FHOD3: variants seen among roughly 807,000 people sequenced by gnomAD.
FHOD3 encodes the protein FH1/FH2 domain-containing protein 3.
In FHOD3, 90 loss-of-function variants were observed where a neutral mutation model predicts 173.0. The ratio of observed to expected loss-of-function variants is 0.52; its 90% CI spans 0.44 to 0.62. The LOEUF is 0.62. Among genes scored for constraint, FHOD3 ranks in the 20% least tolerant of loss-of-function variants. The pLI is 0.00. For synonymous variants in FHOD3, 828 were observed against 823.0 expected (o/e 1.01, Z -0.10); for missense variants, 1,945 against 2,034.7 (o/e 0.96, Z 0.85).
intron 2 of FHOD3, among the ~76,000 whole-genome samples, chr18:36,361,832 A>G (rs2046639517): frequency 1.3e-5 from 2 of 152,152 alleles, no homozygotes; most frequent in Admixed American, 1.3e-4. Flanking sequence ...GCCCAGCCTC[A>G]GGCTCATGAA....
At chr18:36,323,064 T>G (rs1239473005) in intron 1 of FHOD3, among the ~76,000 whole-genome samples, 3 of 152,152 alleles carry the variant, frequency 2.0e-5, no homozygotes, top group African/African-American at 7.2e-5. Context: ...TTTCTGCATC[T>G]GTAAGGTGGG....
chr18:36,578,271 G>A (rs1447025402), intron 6 of FHOD3, among the ~76,000 whole-genome samples: 2 of 152,192 alleles, frequency 1.3e-5, no homozygotes, highest in Admixed American at 6.5e-5. Context: ...AGGCGGAGGA[G>A]GAGCAAAGGC....
Position 36,602,778 on chromosome 18 carries a change from C to G in FHOD3, c.813+10C>G. On this transcript the variant is annotated intron_variant, in intron 8 of 28. Transcript: ENST00000590592. ...GACTTTGGTGAACAAGGTTGGTTGA[C>G]TATGTTATGGGTTGAATTGCGTCAC... The G allele has an allele frequency of 1.2e-6, 2 of 1,605,370 alleles. No homozygotes were observed.
intron 11 of FHOD3, 107 bp from the exon 12 acceptor site, chr18:36,652,462 AT>A: frequency 7.7e-7 from 1 of 1,296,046 alleles, no homozygotes; most frequent in Non-Finnish European, 1.0e-6. Context: ...GAAGTGAGTG[AT>A]AATAGTACAG....
At chr18:36,408,795 G>T (rs903204294) in intron 3 of FHOD3, among the ~76,000 whole-genome samples, 1 of 152,170 alleles carries the variant, frequency 6.6e-6, no homozygotes, top group South Asian at 2.1e-4. Context: ...CAGGAGCCAA[G>T]CCTGGAGCAT....
At chr18:36,755,084 CG>C in intron 24 of FHOD3, 34 bp from the exon 25 acceptor site, 1 of 1,408,306 alleles carries the variant, frequency 7.1e-7, no homozygotes, top group Non-Finnish European at 9.5e-7. Flanking sequence ...TTTCTTAAAA[CG>C]GAAGTCATTG....
chr18:36,462,453 T>C (rs555759048), intron 3 of FHOD3, among the ~76,000 whole-genome samples: 2 of 152,210 alleles, frequency 1.3e-5, no homozygotes, highest in East Asian at 3.9e-4. Context: ...TGCTTCAGCC[T>C]CCTGAGTAGC....
intron 17 of FHOD3, among the ~76,000 whole-genome samples, chr18:36,704,726 C>A (rs2039774321): frequency 6.6e-6 from 1 of 152,132 alleles, no homozygotes; most frequent in Non-Finnish European, 1.5e-5. Flanking sequence ...CAGAGCCCTC[C>A]CCATAGAGAG....
chr18:36,322,525 AAG>A (rs2144987790), intron 1 of FHOD3, among the ~76,000 whole-genome samples: 1 of 152,194 alleles, frequency 6.6e-6, no homozygotes, highest in Admixed American at 6.5e-5. Context: ...ACCCAAAAGA[AAG>A]AGCAGGTTTG....
chr18:36,670,321 T>C (rs1281381083), intron 14 of FHOD3, among the ~76,000 whole-genome samples: 5 of 152,162 alleles, frequency 3.3e-5, no homozygotes, highest in African/African-American at 4.8e-5. Context: ...TAAAAATGTT[T>C]GGTACTTTTT....
At chr18:36,386,198 G>A (rs1293240199) in intron 3 of FHOD3, among the ~76,000 whole-genome samples, 1 of 152,194 alleles carries the variant, frequency 6.6e-6, no homozygotes, top group Non-Finnish European at 1.5e-5. Flanking sequence ...AGATGACCCA[G>A]TATCTGGACA....
intron 28 of FHOD3, among the ~76,000 whole-genome samples, chr18:36,774,646 A>G (rs948766092): frequency 6.6e-6 from 1 of 152,202 alleles, no homozygotes; most frequent in Non-Finnish European, 1.5e-5. Flanking sequence ...TCTGGGTTTT[A>G]TCGCTTCAAC....
intron 3 of FHOD3, among the ~76,000 whole-genome samples, chr18:36,397,199 C>T (rs951417013): frequency 6.6e-6 from 1 of 152,166 alleles, no homozygotes; most frequent in Non-Finnish European, 1.5e-5. Context: ...CTGCTGTTCT[C>T]AAATGAGCCT....
At chr18:36,579,328 C>T (rs11874326) in intron 6 of FHOD3, among the ~76,000 whole-genome samples, 1,996 of 152,246 alleles carry the variant, frequency 0.013, 52 homozygotes, top group African/African-American at 0.045. Context: ...ACAACTTGCC[C>T]TATTTCTAAA....
At position 36,652,732 on chromosome 18, in the gene FHOD3, C is replaced by T; in HGVS notation, c.1449C>T (p.Ala483=). Residue 483 remains alanine (A), a synonymous_variant, in exon 12 of 29, where the codon GCC becomes GCT. Transcript: ENST00000590592. The part of the protein sequence containing the change: ...TWHSGSSGSE[A]TPSALLSPPA... ...ACAGTGGGTCCTCTGGGTCTGAGGC[C>T]ACCCCATCTGCCCTCCTGTCACCCC... 6.5e-7 allele frequency: 1 copy of T among 1,535,872 alleles called. No individual in the cohort carries two copies. Among genetic ancestry groups the T allele is most frequent in the Non-Finnish European group, 8.7e-7 (1 of 1,146,714 alleles).
At chr18:36,545,732 A>G (rs1241031318) in intron 5 of FHOD3, among the ~76,000 whole-genome samples, 1 of 152,248 alleles carries the variant, frequency 6.6e-6, no homozygotes, top group African/African-American at 2.4e-5. Context: ...TGGAAAGTAG[A>G]CATTTGAACG....
chr18:36,749,950 T>G (rs2042330804), intron 24 of FHOD3, among the ~76,000 whole-genome samples: 2 of 152,216 alleles, frequency 1.3e-5, no homozygotes, highest in Admixed American at 1.3e-4. Flanking sequence ...TGAGCCTTTT[T>G]TTTTTCCATA....
chr18:36,625,573 C>G lies in FHOD3; in HGVS notation c.1020C>G (p.Asp340Glu), dbSNP rs1278452604. 1.9e-6 allele frequency: 3 copies of G among 1,538,570 alleles called. No individual in the cohort carries two copies. The South Asian group carries it at 3.6e-5, about 19-fold the overall frequency. Residue 340 changes from aspartate to glutamate, a missense_variant, in exon 10 of 29, where the codon GAC (aspartate) becomes GAG (glutamate). Coordinates refer to ENST00000590592, the MANE Select transcript of FHOD3 (RefSeq NM_001281740.3). Reference protein sequence around the residue: ...TTEPPPSGCRDRRRASVCSSG... With the variant: ...TTEPPPSGCRERRRASVCSSG... Reference sequence around the variant, plus strand: ...AGCCACCCCCCAGTGGGTGCCGGGACCGGAGGAGGGCCAGCGTGTGTTCCA... The same window carrying G: ...AGCCACCCCCCAGTGGGTGCCGGGAGCGGAGGAGGGCCAGCGTGTGTTCCA...
chr18:36,463,946 A>G (rs1160979715), intron 3 of FHOD3, among the ~76,000 whole-genome samples: 1 of 152,246 alleles, frequency 6.6e-6, no homozygotes, highest in Non-Finnish European at 1.5e-5. Flanking sequence ...AAATAATAAA[A>G]TACTCAAACA....
Sources: allele counts gnomAD v4.1 joint callset (sites outside exome capture counted in the v4.1 genomes callset), GRCh38; gene constraint gnomAD v4.1.1; transcripts MANE v1.5; gene names NCBI Gene and HGNC (gene_info 2026-07-23, HGNC 2026-07-21).